The following MKX variants were observed in gnomAD, a reference collection of about 807,000 sequenced individuals.
MKX encodes homeobox protein Mohawk.
In MKX, 13 loss-of-function variants were observed where a neutral mutation model predicts 36.0. The ratio of observed to expected loss-of-function variants is 0.36; its 90% CI spans 0.24 to 0.57. MKX has a LOEUF of 0.57. Ranked by LOEUF, MKX falls within the 20% of genes least tolerant of loss-of-function variation. The pLI is 0.79. For synonymous variants in MKX, 176 were observed against 178.3 expected (o/e 0.99, Z 0.10); for missense variants, 458 against 456.4 (o/e 1.00, Z -0.03).
rs544305187 is a variant in MKX at position 27,675,124 on chromosome 10, A to G, written c.*105T>C. The G allele has an allele frequency of 9.9e-7, 1 of 1,009,440 alleles. No individual in the cohort carries two copies. The highest frequency in any genetic ancestry group is 1.4e-6 in the Non-Finnish European group (1 of 695,654). The allele number at this position is 1,009,440 out of a possible 1,614,324, so 62.5% of individuals were successfully genotyped here. On this transcript the variant is annotated 3_prime_UTR_variant, in exon 7 of 7. Transcript: ENST00000419761. ...ATATTTGGGATAATTAAAAATAAGA[A>G]GAGGTTTGGGAGAGAGTCATTTTCA...
chr10:27,713,416 A>G (rs562052875), intron 5 of MKX, among the ~76,000 whole-genome samples: 10 of 152,350 alleles, frequency 6.6e-5, no homozygotes, highest in African/African-American at 1.9e-4. Flanking sequence ...AAGGAAGTTA[A>G]GAGTGACTGC....
At chr10:27,701,486 TATATA>T (rs1193287700) in intron 5 of MKX, among the ~76,000 whole-genome samples, 2 of 145,864 alleles carry the variant, frequency 1.4e-5, no homozygotes, top group African/African-American at 2.5e-5. Context: ...GGTGTATAAA[TATATA>T]ATATAATATA....
At chr10:27,677,118 T>A (rs1836166905) in intron 5 of MKX, among the ~76,000 whole-genome samples, 1 of 152,186 alleles carries the variant, frequency 6.6e-6, no homozygotes. Flanking sequence ...AACCAGATAG[T>A]GGGTAAGCCC....
intron 3 of MKX, among the ~76,000 whole-genome samples, chr10:27,737,888 T>C (rs950633864): frequency 6.6e-6 from 1 of 152,138 alleles, no homozygotes; most frequent in Non-Finnish European, 1.5e-5. Context: ...ACTCTTCTTA[T>C]AATGAAAATG....
rs370388613 is a variant in MKX, at chr10:27,741,282, A to G, written c.348+63T>C. ...CACGTGGAGAGCCACACGAACTCTA[A>G]GCGTTCCCGCTCTTCAGCCCCTCGC... is the stretch of plus-strand genomic sequence containing the variant. On this transcript the variant is annotated intron_variant, in intron 3 of 6. Coordinates refer to ENST00000419761, the MANE Select transcript of MKX (RefSeq NM_173576.3). The surrounding 1 kb of genome is among the most constrained non-coding windows in gnomAD (Gnocchi z 5.1). 3 of 1,594,864 alleles carry G rather than the reference A, an allele frequency of 1.9e-6. No homozygotes were observed. In the African/African-American group the frequency reaches 4.1e-5, roughly 22 times the overall value.
chr10:27,674,987 T>C lies in MKX; in HGVS notation c.*242A>G. 2.7e-6 allele frequency: 1 copy of C among 364,566 alleles called. No homozygotes were observed. The highest frequency in any genetic ancestry group is 5.0e-6 in the Non-Finnish European group (1 of 201,372). 22.6% of individuals were successfully genotyped at this position (364,566 alleles called of 1,614,324 possible). A position where few individuals can be genotyped will look rare whatever the true frequency, so the allele number is the denominator to read the frequency against. ...TCGGGAAGCAAGGCACTTACTGTAA[T>C]GGTAATGCAGATGTTTTATGCATAG... is the stretch of plus-strand genomic sequence containing the variant. On this transcript the variant is annotated 3_prime_UTR_variant, in exon 7 of 7. Transcript: ENST00000419761.
At chr10:27,698,849 GA>G (rs963840580) in intron 5 of MKX, among the ~76,000 whole-genome samples, 6 of 149,752 alleles carry the variant, frequency 4.0e-5, no homozygotes, top group South Asian at 2.1e-4. Flanking sequence ...GTCGCATATA[GA>G]AAAAAAAAGA....
chr10:27,690,467 T>C (rs1836434484), intron 5 of MKX, among the ~76,000 whole-genome samples: 1 of 152,224 alleles, frequency 6.6e-6, no homozygotes, highest in Non-Finnish European at 1.5e-5. Context: ...CACCTGCTTA[T>C]ACAGTATTTG....
rs3063191 is a variant in MKX, at chr10:27,726,714, A to ATTT, written c.838+7739_838+7741dup. Among the ~76,000 whole-genome samples, 335 of 144,488 alleles carry ATTT rather than the reference A, an allele frequency of 2.3e-3. 1 individual carries two copies. Among genetic ancestry groups the ATTT allele is most frequent in the South Asian group, 5.2e-3 (24 of 4,602 alleles). The allele number at this position is 144,488 out of a possible 152,430, so 94.8% of individuals were successfully genotyped here. On this transcript the variant is annotated intron_variant, in intron 5 of 6. Coordinates refer to ENST00000419761, the MANE Select transcript of MKX (RefSeq NM_173576.3). ...TCATTGTTTTCAGCTTCATTGTTTA[A>ATTT]TTTTTTTTTTTTTACTTTACATTTT... is the stretch of plus-strand genomic sequence containing the variant.
chr10:27,743,702 C>G (rs1051084060), intron 1 of MKX, among the ~76,000 whole-genome samples: 6 of 152,198 alleles, frequency 3.9e-5, no homozygotes, highest in Non-Finnish European at 8.8e-5. Context: ...TACCTGCCCT[C>G]TTCCTTGCCT....
chr10:27,722,361 C>T (rs551825523), intron 5 of MKX, among the ~76,000 whole-genome samples: 5 of 152,330 alleles, frequency 3.3e-5, no homozygotes, highest in African/African-American at 1.2e-4. Context: ...AGAGACATTG[C>T]GGTGTGCATT....
intron 5 of MKX, among the ~76,000 whole-genome samples, chr10:27,732,645 G>C (rs1328763557): frequency 2.0e-5 from 3 of 151,300 alleles, no homozygotes; most frequent in African/African-American, 4.9e-5. Context: ...TTATCTGTTT[G>C]AACAATGTGA....
rs771610472 is a variant in MKX at position 27,743,421 on chromosome 10, C to G, written c.-6G>C. 7.1e-6 allele frequency: 11 copies of G among 1,542,440 alleles called. No homozygotes were observed. Among genetic ancestry groups the G allele is most frequent in the Non-Finnish European group, 6.1e-6 (7 of 1,147,834 alleles). ...TTGAAGACGATGGTGTTCATGGTGTCGGTTGGTAGGGACGCGCGGCGCGGC... is the reference window on the plus strand; with the variant it reads ...TTGAAGACGATGGTGTTCATGGTGTGGGTTGGTAGGGACGCGCGGCGCGGC... On this transcript the variant is annotated 5_prime_UTR_variant, in exon 2 of 7. Transcript: ENST00000419761.
chr10:27,685,850 G>A (rs2368251), intron 5 of MKX, among the ~76,000 whole-genome samples: 138,126 of 152,250 alleles, frequency 0.91, 63,034 homozygotes, highest in East Asian at 0.98. Flanking sequence ...CTGCTGCTGC[G>A]TCACTTTCAG....
chr10:27,703,350 A>G (rs1280695259), intron 5 of MKX, among the ~76,000 whole-genome samples: 1 of 152,138 alleles, frequency 6.6e-6, no homozygotes, highest in Non-Finnish European at 1.5e-5. Flanking sequence ...GTTTCACCTA[A>G]TGTTTTTCAG....
rs987197133 is a variant in MKX at position 27,741,170 on chromosome 10, A to C, written c.348+175T>G. On this transcript the variant is annotated intron_variant, in intron 3 of 6. Transcript: ENST00000419761. The surrounding 1 kb of genome is among the most constrained non-coding windows in gnomAD (Gnocchi z 5.1). Reference sequence around the variant, plus strand: ...GCATCCTGCATTCTTTCCTGCACGGAGCATCTGCACTGAACTGAGGGATGA... The same window carrying C: ...GCATCCTGCATTCTTTCCTGCACGGCGCATCTGCACTGAACTGAGGGATGA... 2.0e-4 allele frequency among the ~76,000 whole-genome samples: 30 copies of C among 152,170 alleles called. No homozygotes were observed. The highest frequency in any genetic ancestry group is 7.2e-4 in the African/African-American group (30 of 41,436).
At chr10:27,703,323 A>G (rs931669224) in intron 5 of MKX, among the ~76,000 whole-genome samples, 5 of 152,274 alleles carry the variant, frequency 3.3e-5, no homozygotes, top group African/African-American at 9.6e-5. Flanking sequence ...GATGAATGTA[A>G]ATCAGAGAAA....
intron 5 of MKX, among the ~76,000 whole-genome samples, chr10:27,702,126 G>A (rs1018776676): frequency 6.6e-6 from 1 of 152,124 alleles, no homozygotes; most frequent in African/African-American, 2.4e-5. Context: ...CCAGGAAAAT[G>A]AGGGAGTACA....
rs547670335 is a variant in MKX, at chr10:27,694,527, A to AAATATATAT, written c.839-18974_839-18973insATATATATT. ...AACCCCGTCTCTACTAAAAAAAAAA[A>AAATATATAT]ATATATATATATATATAAATTAGCC... On this transcript the variant is annotated intron_variant, in intron 5 of 6. Transcript: ENST00000419761. Among the ~76,000 whole-genome samples, 445 of 114,316 alleles carry AAATATATAT rather than the reference A, an allele frequency of 3.9e-3. 3 individuals are homozygous for AAATATATAT. Among genetic ancestry groups the AAATATATAT allele is most frequent in the African/African-American group, 6.8e-3 (206 of 30,078 alleles). 75.0% of individuals were successfully genotyped at this position (114,316 alleles called of 152,430 possible).
Sources: allele counts gnomAD v4.1 joint callset (sites outside exome capture counted in the v4.1 genomes callset), GRCh38; gene constraint gnomAD v4.1.1; non-coding constraint Gnocchi (gnomAD v3.1); transcripts MANE v1.5; gene names NCBI Gene and HGNC (gene_info 2026-07-23, HGNC 2026-07-21).